UBR4: variants seen among roughly 807,000 people sequenced by gnomAD.
UBR4 encodes ubiquitin protein ligase E3 component n-recognin 4, also known as E3 ubiquitin-protein ligase UBR4.
A neutral mutation model predicts 575.6 loss-of-function variants in UBR4; 124 were observed. That is an observed-to-expected ratio of 0.22 (90% confidence interval 0.19 to 0.25). The LOEUF is 0.25. Ranked by LOEUF, UBR4 falls within the 10% of genes least tolerant of loss-of-function variation. The probability of loss-of-function intolerance (pLI) is 1.00; values close to 1 mark genes in which losing one functional copy is unlikely to be tolerated. For missense variants in UBR4, 4,818 were observed against 6,478.8 expected, an observed-to-expected ratio of 0.74 and a Z score of 8.80; for synonymous variants, 2,455 against 2,473.7, an observed-to-expected ratio of 0.99 and a Z score of 0.22.
Position 19,170,815 on chromosome 1 carries a change from C to G in UBR4, c.3590G>C (p.Gly1197Ala). 6.2e-7 allele frequency: 1 copy of G among 1,614,172 alleles called. No homozygotes were observed. Among genetic ancestry groups the G allele is most frequent in the Non-Finnish European group, 8.5e-7 (1 of 1,180,032 alleles). ...TEKPSKEKLQ[G>A]FAAVLAIGSS... ...GCCAATAGCCAAAACAGCAGCAAAG[C>G]CTTGCAGTTTCTCCTTGGAAGGTTT... The change falls in exon 26 of 106, where the codon GGC (glycine) becomes GCC (alanine). Residue 1197 changes from glycine to alanine, a missense_variant. Transcript: ENST00000375254.
At position 19,126,492 on chromosome 1, in the gene UBR4, G is replaced by A. The variant is rs1253437175; in HGVS notation, c.9392C>T (p.Ser3131Phe). 6.2e-7 allele frequency: 1 copy of A among 1,614,076 alleles called. No individual in the cohort carries two copies. The highest frequency in any genetic ancestry group is 2.2e-5 in the East Asian group (1 of 44,892). The change falls in exon 64 of 106, where the codon TCC becomes TTC. Residue 3131 changes from serine to phenylalanine, a missense_variant. Transcript: ENST00000375254. ...GAATGGGCTCATGTCAGGTGGGGAG[G>A]AGGTAGTATGTGGTTTCAGCAACTG... ...TSQLLKPHTTSSPPDMSPFFL... is the reference protein window; with the variant it reads ...TSQLLKPHTTFSPPDMSPFFL...
Position 19,141,532 on chromosome 1 carries a change from G to T in UBR4, c.8311-8C>A, listed in dbSNP as rs1298008782. 3 of 1,601,848 alleles carry T rather than the reference G, an allele frequency of 1.9e-6. No homozygotes were observed. In the East Asian group the frequency reaches 6.7e-5, roughly 36 times the overall value. ...CAGGACCATCGACTCAGACTGCAGA[G>T]AGAAAGCTCTGTCAGTGTCCCATGG... On this transcript the variant is annotated splice_region_variant and splice_polypyrimidine_tract_variant and intron_variant, in intron 56 of 105. Transcript: ENST00000375254.
chr1:19,122,429 C>G (rs1049585251), intron 66 of UBR4, among the ~76,000 whole-genome samples: 6 of 152,262 alleles, frequency 3.9e-5, no homozygotes, highest in African/African-American at 7.2e-5. Context: ...GTTTACTCCT[C>G]TAAGTCCAAA....
intron 29 of UBR4, 54 bp downstream of exon 29, chr1:19,166,968 C>T: frequency 6.3e-7 from 1 of 1,586,142 alleles, no homozygotes; most frequent in South Asian, 1.1e-5. Flanking sequence ...TAGTACATTT[C>T]ACTGATAGCA....
rs1397249444 is a variant in UBR4, at chr1:19,145,850, A to C, written c.7888T>G (p.Trp2630Gly). The change falls in exon 53 of 106, where the codon TGG becomes GGG. Residue 2630 changes from tryptophan to glycine, a missense_variant. Around this residue, in one of 29 missense-constraint regions of UBR4, gnomAD observed 340 missense variants for 375.4 expected, o/e 0.91. Coordinates refer to ENST00000375254, the MANE Select transcript of UBR4 (RefSeq NM_020765.3). ...TTGGGTTTGGATGCATGGAGTTTCC[A>C]GAAGTGGTTCACAAGCTGGGTGATG... Reference protein sequence around the residue: ...SFITQLVNHFWKLHASKPKNA... With the variant: ...SFITQLVNHFGKLHASKPKNA... 2 of 1,614,134 alleles carry C rather than the reference A, an allele frequency of 1.2e-6. No individual in the cohort carries two copies. The highest frequency in any genetic ancestry group is 1.7e-6 in the Non-Finnish European group (2 of 1,180,040).
intron 69 of UBR4, among the ~76,000 whole-genome samples, 172 bp from the exon 70 acceptor site, chr1:19,119,873 C>A (rs1240110728): frequency 2.0e-5 from 3 of 152,136 alleles, no homozygotes; most frequent in African/African-American, 7.2e-5. Context: ...CATTTGCTGC[C>A]TCTACCCATC....
intron 87 of UBR4, among the ~76,000 whole-genome samples, chr1:19,102,054 A>G (rs990490870): frequency 6.6e-6 from 1 of 152,272 alleles, no homozygotes; most frequent in Non-Finnish European, 1.5e-5. Context: ...CTAAAAGATT[A>G]GGTAGACTGT....
chr1:19,081,384 C>T lies in UBR4; in HGVS notation c.15198G>A (p.Ser5066=), dbSNP rs376819198. ...CACCTGGAGCCACTGCCCGAGCCTG[C>T]GAGGTCACCAACAGCCTCCGCAAGA... The part of the protein sequence containing the change: ...VEILRRLLVT[S]QARAVAPGGA... Residue 5066 remains serine, a synonymous_variant, in exon 103 of 106, where the codon TCG becomes TCA. Coordinates refer to ENST00000375254, the MANE Select transcript of UBR4 (RefSeq NM_020765.3). 3.8e-5 allele frequency: 62 copies of T among 1,610,718 alleles called. No individual in the cohort carries two copies. The highest frequency in any genetic ancestry group is 4.8e-5 in the Non-Finnish European group (57 of 1,178,116).
intron 73 of UBR4, 101 bp from the exon 74 acceptor site, chr1:19,115,738 A>T: frequency 1.3e-6 from 2 of 1,510,088 alleles, no homozygotes; most frequent in Non-Finnish European, 1.8e-6. Context: ...TTTCTAAGGC[A>T]ATTAAGTGGT....
intron 1 of UBR4, among the ~76,000 whole-genome samples, chr1:19,207,723 G>A (rs1049935899): frequency 6.6e-6 from 1 of 152,062 alleles, no homozygotes; most frequent in Non-Finnish European, 1.5e-5. Flanking sequence ...GCAAACTATG[G>A]CCTGCAGGCC....
chr1:19,180,455 G>A (rs906255554), intron 17 of UBR4, among the ~76,000 whole-genome samples: 7 of 148,692 alleles, frequency 4.7e-5, no homozygotes, highest in African/African-American at 1.7e-4. Context: ...GTGCCACGGC[G>A]CCCAGCCTCT....
chr1:19,118,645 A>G, intron 71 of UBR4: 1 of 556,886 alleles, frequency 1.8e-6, no homozygotes, highest in South Asian at 2.4e-5. Context: ...GGCTATACAG[A>G]CCTTTCTACA....
intron 60 of UBR4, 84 bp from the exon 61 acceptor site, chr1:19,129,158 C>T: frequency 8.5e-7 from 1 of 1,178,698 alleles, no homozygotes; most frequent in Non-Finnish European, 1.2e-6. Flanking sequence ...CAACCCCACC[C>T]TGCTACCAAG....
rs1176448921 is a variant in UBR4 at position 19,183,904 on chromosome 1, A to G, written c.2099-8T>C. 6.2e-7 allele frequency: 1 copy of G among 1,614,064 alleles called. No individual in the cohort carries two copies. Among genetic ancestry groups the G allele is most frequent in the South Asian group, 1.1e-5 (1 of 91,058 alleles). On this transcript the variant is annotated splice_region_variant and splice_polypyrimidine_tract_variant and intron_variant, in intron 16 of 105. Coordinates refer to ENST00000375254, the MANE Select transcript of UBR4 (RefSeq NM_020765.3). ...ACTCTTCATCTGATGAACCTTAAAG[A>G]CAAGTAGAAAAGCCAATTATTTAAG...
intron 60 of UBR4, among the ~76,000 whole-genome samples, chr1:19,131,152 T>C (rs1469360960): frequency 6.9e-6 from 1 of 145,356 alleles, no homozygotes; most frequent in Non-Finnish European, 1.5e-5. Context: ...CAAAAGATCC[T>C]CCCACTTCAG....
chr1:19,180,526 T>A (rs2090819829), intron 17 of UBR4, among the ~76,000 whole-genome samples: 1 of 131,558 alleles, frequency 7.6e-6, no homozygotes, highest in Non-Finnish European at 1.6e-5. Context: ...AATTCCTAAG[T>A]TAAATGAAAC....
intron 25 of UBR4, among the ~76,000 whole-genome samples, chr1:19,172,615 C>G (rs1369439017): frequency 6.6e-6 from 1 of 152,170 alleles, no homozygotes. Flanking sequence ...TTACCTTTCT[C>G]TGTATCCTAC....
rs374223278 is a variant in UBR4, at chr1:19,198,512, G to A, written c.648+29C>T. ...TTATCATCTTAACAAAACCCACAGA[G>A]AAGAAGACATTTGACTAAAGAAACT... On this transcript the variant is annotated intron_variant, in intron 5 of 105. Transcript: ENST00000375254. The A allele has an allele frequency of 1.4e-5, 22 of 1,603,180 alleles. No homozygotes were observed. The African/African-American group carries it at 3.0e-4, about 22-fold the overall frequency.
At chr1:19,143,864 TACA>T in intron 55 of UBR4, 113 bp downstream of exon 55, 1 of 836,396 alleles carries the variant, frequency 1.2e-6, no homozygotes. Flanking sequence ...AAAAGACAGA[TACA>T]TAAAGTCTCC....
Sources: allele counts gnomAD v4.1 joint callset (sites outside exome capture counted in the v4.1 genomes callset), GRCh38; gene constraint gnomAD v4.1.1; regional missense constraint gnomAD v4.1.1; transcripts MANE v1.5; gene names NCBI Gene and HGNC (gene_info 2026-07-23, HGNC 2026-07-21).